PIH1D1: variants seen among roughly 807,000 people sequenced by gnomAD.
PIH1D1 encodes PIH1 domain-containing protein 1.
Under a neutral mutation model 38.5 loss-of-function variants are expected in PIH1D1, and 28 were observed. That is an observed-to-expected ratio of 0.73 (90% CI 0.54 to 1.00). The LOEUF is 1.00. PIH1D1 is among the 50% of genes least tolerant of loss of function. The probability of loss-of-function intolerance (pLI) is 0.00; values close to 1 mark genes in which losing one functional copy is unlikely to be tolerated. For synonymous variants in PIH1D1, 155 were observed against 153.5 expected, an observed-to-expected ratio of 1.01 and a Z score of -0.07; for missense variants, 343 against 369.9, an observed-to-expected ratio of 0.93 and a Z score of 0.60.
At chr19:49,448,640 G>T in intron 3 of PIH1D1, 1 of 169,836 alleles carries the variant, frequency 5.9e-6, no homozygotes, top group Non-Finnish European at 1.3e-5. Context: ...TGTGCTGGGT[G>T]CCCCCCTCCA....
At chr19:49,447,504 C>T (rs753648412) in intron 5 of PIH1D1, 37 bp from the exon 6 acceptor site, 17 of 1,600,608 alleles carry the variant, frequency 1.1e-5, no homozygotes, top group African/African-American at 1.3e-5. Flanking sequence ...TCGTACAGGT[C>T]AGGGTTCCCT....
intron 3 of PIH1D1, chr19:49,449,129 C>T (rs988353008): frequency 2.7e-5 from 10 of 372,684 alleles, no homozygotes; most frequent in African/African-American, 1.9e-4. Flanking sequence ...GCAACAAGAG[C>T]GAAACTCCAT....
chr19:49,451,400 T>C (rs781692649), intron 1 of PIH1D1, 85 bp downstream of exon 1: 1 of 1,579,994 alleles, frequency 6.3e-7, no homozygotes, highest in South Asian at 1.1e-5. Context: ...CCCGCCTTAG[T>C]GCATTCTGGG....
Position 49,446,654 on chromosome 19 carries a change from C to A in PIH1D1, c.728G>T (p.Arg243Leu), listed in dbSNP as rs370272341. 3.1e-6 allele frequency: 5 copies of A among 1,593,418 alleles called. No homozygotes were observed. The East Asian group carries it at 1.1e-4, about 36-fold the overall frequency. ...LGLSLEIGEN[R>L]LVMGGPQQLY... is the part of the protein sequence containing the mutation. ...CTGCTGGGGGCCCCCCATCACCAGG[C>A]GGTTCTCCCCGATCTCCAGCGACAG... is the stretch of plus-strand genomic sequence containing the variant. The change falls in exon 8 of 9, where the codon CGC becomes CTC. Residue 243 changes from arginine to leucine, a missense_variant. Arg to Leu is a moderately radical substitution (Grantham distance 102). Coordinates refer to ENST00000262265, the MANE Select transcript of PIH1D1 (RefSeq NM_017916.3).
At chr19:49,449,194 C>CT (rs2079043026) in intron 3 of PIH1D1, 1 of 590,020 alleles carries the variant, frequency 1.7e-6, no homozygotes. Flanking sequence ...AGGCTCAGGA[C>CT]TAAAGCCAGG....
chr19:49,446,722 C>T (rs1381169361), intron 7 of PIH1D1, 28 bp from the exon 8 acceptor site: 1 of 1,532,646 alleles, frequency 6.5e-7, no homozygotes. Flanking sequence ...TCAGGTCACC[C>T]TCCCCAGCAA....
intron 1 of PIH1D1, 70 bp from the exon 2 acceptor site, chr19:49,450,918 G>C (rs2079054644): frequency 6.2e-7 from 1 of 1,610,956 alleles, no homozygotes; most frequent in Non-Finnish European, 8.5e-7. Flanking sequence ...TCCTCAAATG[G>C]AGCAATTCTT....
chr19:49,450,953 G>C, intron 1 of PIH1D1, 105 bp from the exon 2 acceptor site: 9 of 1,594,058 alleles, frequency 5.6e-6, no homozygotes, highest in South Asian at 1.1e-5. Flanking sequence ...TGGATAACGC[G>C]AGAAATTAGA....
chr19:49,447,596 G>C, intron 5 of PIH1D1, 129 bp from the exon 6 acceptor site: 4 of 1,166,024 alleles, frequency 3.4e-6, no homozygotes, highest in Middle Eastern at 4.3e-4. Flanking sequence ...CGCAGGCTTG[G>C]CTCCAGGAAG....
At chr19:49,447,714 A>T in intron 5 of PIH1D1, 113 bp downstream of exon 5, 2 of 1,136,350 alleles carry the variant, frequency 1.8e-6, no homozygotes, top group Non-Finnish European at 2.6e-6. Context: ...ACCCCCTCCT[A>T]GTAGCACAGA....
In PIH1D1 at chr19:49,451,777, G is replaced by C. The variant is rs1223593162; in HGVS notation, c.-203C>G. ...AATCCGTGGGGAATATGTGTCTCTA[G>C]ACGCACTACCCTCCGTCCTACGTGC... On this transcript the variant is annotated 5_prime_UTR_variant, in exon 1 of 9. Transcript: ENST00000262265. 9 of 1,391,836 alleles carry C rather than the reference G, an allele frequency of 6.5e-6. No homozygotes were observed. Among genetic ancestry groups the C allele is most frequent in the Admixed American group, 3.0e-5 (1 of 33,454 alleles). The allele number at this position is 1,391,836 out of a possible 1,614,324, so 86.2% of individuals were successfully genotyped here.
Position 49,451,275 on chromosome 19 carries a change from C to T in PIH1D1, c.90+210G>A, listed in dbSNP as rs868177499. On this transcript the variant is annotated intron_variant, in intron 1 of 8. Coordinates refer to ENST00000262265, the MANE Select transcript of PIH1D1 (RefSeq NM_017916.3). ...CGATCTCCTGACCTCGTGATCCGCC[C>T]GCCTCGGCCTCCCAAAGTGGTGGGA... 2.0e-5 allele frequency: 12 copies of T among 591,370 alleles called. No individual in the cohort carries two copies. The Middle Eastern group carries it at 1.4e-3, about 70-fold the overall frequency. The allele number at this position is 591,370 out of a possible 1,614,324, so 36.6% of individuals were successfully genotyped here.
Position 49,446,640 on chromosome 19 carries a change from C to A in PIH1D1, c.742G>T (p.Gly248Cys), listed in dbSNP as rs773060882. ...EIGENRLVMG[G>C]PQQLYHLDAY... ...TCTAGATGATACAGCTGCTGGGGGC[C>A]CCCCATCACCAGGCGGTTCTCCCCG... Residue 248 changes from glycine (G) to cysteine (C), a missense_variant, in exon 8 of 9, where the codon GGC becomes TGC. Transcript: ENST00000262265. The A allele has an allele frequency of 1.2e-6, 2 of 1,604,528 alleles. No individual in the cohort carries two copies. The highest frequency in any genetic ancestry group is 1.7e-6 in the Non-Finnish European group (2 of 1,175,142).
rs751482479 is a variant in PIH1D1 at position 49,450,784 on chromosome 19, G to C, written c.155C>G (p.Pro52Arg). The C allele has an allele frequency of 6.3e-7, 1 of 1,580,242 alleles. No individual in the cohort carries two copies. ...RPESTQIQPQ[P>R]GFCIKTNSSE... ...CTCTCTCCGGTGTCCTTTCTCACCA[G>C]GCTGAGGCTGGATTTGTGTCGATTC... The change falls in exon 2 of 9, where the codon CCT (proline) becomes CGT (arginine). Residue 52 changes from proline to arginine, a missense_variant and splice_region_variant. By Grantham distance (103) the Pro-to-Arg change is moderately radical. Coordinates refer to ENST00000262265, the MANE Select transcript of PIH1D1 (RefSeq NM_017916.3).
At chr19:49,451,222 G>T in intron 1 of PIH1D1, 1 of 480,786 alleles carries the variant, frequency 2.1e-6, no homozygotes, top group Non-Finnish European at 3.7e-6. Context: ...GTAGAGACGG[G>T]GTTTCACCGT....
chr19:49,448,130 C>T (rs752345994), intron 3 of PIH1D1, 68 bp from the exon 4 acceptor site: 5 of 1,501,374 alleles, frequency 3.3e-6, no homozygotes, highest in Non-Finnish European at 4.6e-6. Context: ...CAGACCCAGA[C>T]AGGGAAGAAA....
intron 3 of PIH1D1, chr19:49,449,209 C>T: frequency 3.2e-6 from 2 of 621,144 alleles, no homozygotes; most frequent in Non-Finnish European, 3.0e-6. Context: ...GCCAGGAGAT[C>T]CGCTAATGCA....
At chr19:49,451,223 G>T (rs1216925850) in intron 1 of PIH1D1, 1 of 482,288 alleles carries the variant, frequency 2.1e-6, no homozygotes, top group Non-Finnish European at 3.7e-6. Context: ...TAGAGACGGG[G>T]TTTCACCGTG....
At position 49,451,778 on chromosome 19, in the gene PIH1D1, A is replaced by T. The variant is rs1346378556; in HGVS notation, c.-204T>A. 1.4e-6 allele frequency: 2 copies of T among 1,390,654 alleles called. No homozygotes were observed. The highest frequency in any genetic ancestry group is 2.9e-5 in the African/African-American group (2 of 68,766). 86.1% of individuals were successfully genotyped at this position (1,390,654 alleles called of 1,614,324 possible). A position where few individuals can be genotyped will look rare whatever the true frequency, so the allele number is the denominator to read the frequency against. On this transcript the variant is annotated 5_prime_UTR_variant, in exon 1 of 9. Transcript: ENST00000262265. ...ATCCGTGGGGAATATGTGTCTCTAG[A>T]CGCACTACCCTCCGTCCTACGTGCC...
Sources: gnomAD v4.1 joint callset for allele counts on GRCh38, gnomAD v4.1.1 for gene constraint, MANE v1.5 for transcripts, NCBI Gene and HGNC (gene_info 2026-07-23, HGNC 2026-07-21) for gene names.